The following VAC14 variants were observed in gnomAD, a reference collection of about 807,000 sequenced individuals.
The protein encoded by VAC14 is VAC14 component of PIKFYVE complex, also known as protein VAC14 homolog.
VAC14 carries 47 observed loss-of-function variants against 85.3 expected under a neutral mutation model. The observed-to-expected ratio is 0.55, with a 90% CI of 0.44 to 0.70. The LOEUF is 0.70. Among genes scored for constraint, VAC14 ranks in the 30% least tolerant of loss-of-function variants. The pLI is 0.00. For synonymous variants in VAC14, 447 were observed against 430.5 expected (o/e 1.04, Z -0.47); for missense variants, 861 against 1,004.3 (o/e 0.86, Z 1.93).
chr16:70,738,230 G>A (rs1302648747), intron 13 of VAC14, among the ~76,000 whole-genome samples: 2 of 152,214 alleles, frequency 1.3e-5, no homozygotes, highest in Non-Finnish European at 2.9e-5. Context: ...GGTCTTGGGG[G>A]TGTAGAGTCT....
At chr16:70,693,352 C>T (rs923412762) in intron 17 of VAC14, among the ~76,000 whole-genome samples, 20 of 152,196 alleles carry the variant, frequency 1.3e-4, no homozygotes, top group Non-Finnish European at 2.5e-4. Flanking sequence ...TACGAGGGCT[C>T]GGGGCCTGTA....
chr16:70,741,391 G>T (rs1012033125), intron 13 of VAC14, among the ~76,000 whole-genome samples: 8 of 151,914 alleles, frequency 5.3e-5, no homozygotes, highest in African/African-American at 9.7e-5. Flanking sequence ...CAGCGGAGGT[G>T]GGGGGGCGGG....
intron 14 of VAC14, among the ~76,000 whole-genome samples, chr16:70,701,905 A>G (rs2053836011): frequency 6.6e-6 from 1 of 152,230 alleles, no homozygotes. Flanking sequence ...TGCCCTGGCC[A>G]GATGGCTTGG....
intron 9 of VAC14, among the ~76,000 whole-genome samples, chr16:70,774,009 A>C (rs770727690): frequency 4.6e-5 from 7 of 151,776 alleles, no homozygotes; most frequent in African/African-American, 9.7e-5. Context: ...TCCTGGGCTC[A>C]AGTGATCCAC....
Position 70,801,098 on chromosome 16 carries a change from C to A in VAC14, c.-198G>T, listed in dbSNP as rs1330390339. 1.1e-5 allele frequency: 5 copies of A among 446,910 alleles called. No individual in the cohort carries two copies. The highest frequency in any genetic ancestry group is 4.4e-5 in the Admixed American group (1 of 22,478). The allele number at this position is 446,910 out of a possible 1,614,324, so 27.7% of individuals were successfully genotyped here. On this transcript the variant is annotated 5_prime_UTR_variant, in exon 1 of 19. Coordinates refer to ENST00000261776, the MANE Select transcript of VAC14 (RefSeq NM_018052.5). ...GCTCCAGCACACCTGACCCTGGCCG[C>A]TTAACAACTCCCGCCCGGCACTAGC...
At chr16:70,799,888 T>C (rs900697523) in intron 1 of VAC14, among the ~76,000 whole-genome samples, 4 of 152,208 alleles carry the variant, frequency 2.6e-5, no homozygotes, top group Admixed American at 2.6e-4. Context: ...GAAATACGGG[T>C]AGTGTGACTG....
intron 1 of VAC14, among the ~76,000 whole-genome samples, chr16:70,799,990 A>G (rs2034701177): frequency 6.6e-6 from 1 of 152,110 alleles, no homozygotes; most frequent in African/African-American, 2.4e-5. Context: ...AATACAATTC[A>G]CCTTTTCTGA....
intron 14 of VAC14, among the ~76,000 whole-genome samples, chr16:70,711,103 T>A (rs1333817528): frequency 2.0e-5 from 3 of 152,118 alleles, no homozygotes; most frequent in Non-Finnish European, 4.4e-5. Context: ...GCATTTACCC[T>A]CTAGAACAAA....
chr16:70,699,558 C>G (rs1180314501), intron 14 of VAC14: 1 of 152,172 alleles, frequency 6.6e-6, no homozygotes, highest in Non-Finnish European at 1.5e-5. Flanking sequence ...AGGAGCCTCC[C>G]TGTTATACAA....
At chr16:70,691,708 A>G in intron 18 of VAC14, 5 of 985,410 alleles carry the variant, frequency 5.1e-6, no homozygotes, top group Non-Finnish European at 6.0e-6. Context: ...GGTTGGGGCC[A>G]CACTTTCTAG....
chr16:70,717,450 T>A (rs1359032040), intron 14 of VAC14, among the ~76,000 whole-genome samples: 2 of 152,208 alleles, frequency 1.3e-5, no homozygotes, highest in African/African-American at 2.4e-5. Context: ...TTTCTTTTTT[T>A]AAAAAAGTAT....
intron 1 of VAC14, among the ~76,000 whole-genome samples, chr16:70,794,062 G>C (rs772350105): frequency 6.6e-6 from 1 of 152,184 alleles, no homozygotes; most frequent in Non-Finnish European, 1.5e-5. Context: ...TTTGATCTCG[G>C]GTGACAGTAG....
At chr16:70,688,349 C>T in intron 18 of VAC14, 2 of 1,149,202 alleles carry the variant, frequency 1.7e-6, no homozygotes, top group Non-Finnish European at 2.1e-6. Context: ...GGCGATGGCG[C>T]CCAGAGCAGG....
intron 9 of VAC14, among the ~76,000 whole-genome samples, chr16:70,776,753 T>C (rs1016014246): frequency 4.8e-5 from 7 of 145,858 alleles, no homozygotes; most frequent in Admixed American, 4.7e-4. Flanking sequence ...AAATATGGTT[T>C]GTTTCAATTT....
intron 1 of VAC14, among the ~76,000 whole-genome samples, chr16:70,792,713 G>A (rs1168396417): frequency 6.6e-6 from 1 of 152,190 alleles, no homozygotes; most frequent in African/African-American, 2.4e-5. Flanking sequence ...ACTTTCATGA[G>A]CCAAGGGAGA....
chr16:70,704,737 G>C (rs923793015), intron 14 of VAC14, among the ~76,000 whole-genome samples: 1 of 152,238 alleles, frequency 6.6e-6, no homozygotes, highest in Non-Finnish European at 1.5e-5. Flanking sequence ...GCCGGAGCCC[G>C]CTCGGGAGGA....
chr16:70,700,330 G>T (rs577264259), intron 14 of VAC14: 1 of 152,336 alleles, frequency 6.6e-6, no homozygotes, highest in Non-Finnish European at 1.5e-5. Context: ...GGTGGCGGCC[G>T]CACGAGTGAG....
chr16:70,759,699 C>T (rs1000628127), intron 12 of VAC14, among the ~76,000 whole-genome samples: 3 of 152,146 alleles, frequency 2.0e-5, no homozygotes, highest in East Asian at 1.9e-4. Flanking sequence ...ATACTCTCCA[C>T]GCTCAAGAAC....
At position 70,783,436 on chromosome 16, in the gene VAC14, T is replaced by A; in HGVS notation, c.704+9A>T. ...GAGGCAGCAGCTTCCTGCCCCTTAC[T>A]CCACTCACATTTTGCGAATCTCTTT... On this transcript the variant is annotated intron_variant, in intron 6 of 18. Transcript: ENST00000261776. 1 of 1,613,674 alleles carries A rather than the reference T, an allele frequency of 6.2e-7. No individual in the cohort carries two copies. Among genetic ancestry groups the A allele is most frequent in the Non-Finnish European group, 8.5e-7 (1 of 1,179,812 alleles).
Sources: gnomAD v4.1 joint callset for allele counts (sites outside exome capture counted in the v4.1 genomes callset) on GRCh38, gnomAD v4.1.1 for gene constraint, MANE v1.5 for transcripts, NCBI Gene and HGNC (gene_info 2026-07-23, HGNC 2026-07-21) for gene names.